The following MAP2 variants were observed in gnomAD, a reference collection of about 807,000 sequenced individuals.
The protein encoded by MAP2 is microtubule-associated protein 2.
In MAP2, 14 loss-of-function variants were observed where a neutral mutation model predicts 137.6. The ratio of observed to expected loss-of-function variants is 0.10; its 90% CI spans 0.07 to 0.16. The LOEUF (loss-of-function observed/expected upper bound fraction) is 0.16, where lower values mean the gene tolerates loss of function less well. Ranked by LOEUF, MAP2 falls within the 10% of genes least tolerant of loss-of-function variation. MAP2 has a pLI of 1.00. For missense variants in MAP2, 2,088 were observed against 2,191.5 expected (o/e 0.95, Z 0.94); for synonymous variants, 786 against 782.3 (o/e 1.00, Z -0.08).
chr2:209,659,171 T>C (rs2042268917), intron 5 of MAP2, among the ~76,000 whole-genome samples: 1 of 152,230 alleles, frequency 6.6e-6, no homozygotes, highest in East Asian at 1.9e-4. Context: ...TATGGATTTT[T>C]TTTTCTATAG....
intron 2 of MAP2, among the ~76,000 whole-genome samples, chr2:209,558,909 A>T (rs965154993): frequency 6.6e-6 from 1 of 151,968 alleles, no homozygotes; most frequent in African/African-American, 2.4e-5. Context: ...AACCAAATAG[A>T]TGATATTGGA....
intron 3 of MAP2, among the ~76,000 whole-genome samples, chr2:209,612,701 A>G (rs1220075753): frequency 6.6e-6 from 1 of 152,208 alleles, no homozygotes; most frequent in Non-Finnish European, 1.5e-5. Context: ...CTTTTAGGTG[A>G]TGCTATAGCT....
In MAP2 at chr2:209,653,189, G is replaced by C. The variant is rs201525773; in HGVS notation, c.19G>C (p.Asp7His). 2 of 1,600,486 alleles carry C rather than the reference G, an allele frequency of 1.2e-6. No homozygotes were observed. The highest frequency in any genetic ancestry group is 2.7e-5 in the African/African-American group (2 of 74,426). ...TTGAAGAATGGCAGATGAACGGAAA[G>C]ATGAAGCAAAGGCACCTCACTGGAC... is the stretch of plus-strand genomic sequence containing the variant. Reference protein sequence around the residue: MADERKDEAKAPHWTSA... With the variant: MADERKHEAKAPHWTSA... Residue 7 changes from aspartate to histidine, a missense_variant, in exon 5 of 16, where the codon GAT becomes CAT. Around this residue, in one of 6 missense-constraint regions of MAP2, gnomAD observed 859 missense variants for 794.5 expected, o/e 1.08. Transcript: ENST00000682079.
At chr2:209,707,243 G>A (rs533056313) in intron 12 of MAP2, among the ~76,000 whole-genome samples, 1 of 152,238 alleles carries the variant, frequency 6.6e-6, no homozygotes, top group African/African-American at 2.4e-5. Flanking sequence ...TTCATTAAAT[G>A]TTCAGCACCA....
At chr2:209,639,377 A>G (rs1293217405) in intron 4 of MAP2, among the ~76,000 whole-genome samples, 1 of 152,150 alleles carries the variant, frequency 6.6e-6, no homozygotes, top group African/African-American at 2.4e-5. Flanking sequence ...AGACTGTATT[A>G]ATTTGAGGAT....
At chr2:209,503,037 G>C (rs1471444630) in intron 1 of MAP2, among the ~76,000 whole-genome samples, 1 of 123,792 alleles carries the variant, frequency 8.1e-6, no homozygotes, top group Non-Finnish European at 1.6e-5. Context: ...GTCTCATTCT[G>C]TTGCCCAGGC....
chr2:209,468,191 T>C (rs1704630058), intron 1 of MAP2, among the ~76,000 whole-genome samples: 1 of 152,084 alleles, frequency 6.6e-6, no homozygotes, highest in Non-Finnish European at 1.5e-5. Flanking sequence ...CCATTCTCAA[T>C]AGAATTATTC....
At chr2:209,595,127 A>G (rs1453820201) in intron 3 of MAP2, among the ~76,000 whole-genome samples, 1 of 152,200 alleles carries the variant, frequency 6.6e-6, no homozygotes, top group African/African-American at 2.4e-5. Flanking sequence ...TCACAGAAAG[A>G]CAAAGTTGAA....
chr2:209,628,538 A>G lies in MAP2; in HGVS notation c.-30+3409A>G, dbSNP rs536568402. On this transcript the variant is annotated intron_variant, in intron 4 of 15. Coordinates refer to ENST00000682079, the MANE Select transcript of MAP2 (RefSeq NM_001375505.1). ...TCCACTGTCTCTCATGTTTACTACT[A>G]TCATAATCCCCTGTACTCAGTCTTG... Among the ~76,000 whole-genome samples, 4 of 152,176 alleles carry G rather than the reference A, an allele frequency of 2.6e-5. No individual in the cohort carries two copies. The South Asian group carries it at 8.3e-4, about 32-fold the overall frequency.
At chr2:209,560,626 A>G (rs557533051) in intron 2 of MAP2, among the ~76,000 whole-genome samples, 1 of 151,992 alleles carries the variant, frequency 6.6e-6, no homozygotes, top group Non-Finnish European at 1.5e-5. Flanking sequence ...GATTACAAAC[A>G]TGAGGCACTG....
intron 7 of MAP2, among the ~76,000 whole-genome samples, chr2:209,686,192 T>C (rs964467437): frequency 1.3e-5 from 2 of 152,194 alleles, no homozygotes; most frequent in African/African-American, 2.4e-5. Flanking sequence ...ACTAAGAATA[T>C]CAAACGTTAT....
intron 3 of MAP2, among the ~76,000 whole-genome samples, chr2:209,599,033 A>C (rs948481549): frequency 2.0e-5 from 3 of 152,076 alleles, no homozygotes; most frequent in Non-Finnish European, 4.4e-5. Flanking sequence ...ACTGACTTCC[A>C]CAATGGTTGA....
At chr2:209,640,020 A>C (rs867105131) in intron 4 of MAP2, among the ~76,000 whole-genome samples, 12 of 152,100 alleles carry the variant, frequency 7.9e-5, no homozygotes, top group South Asian at 2.1e-4. Flanking sequence ...CCCAAGTCTC[A>C]AAAACAAACA....
At position 209,710,044 on chromosome 2, in the gene MAP2, C is replaced by CTAT; in HGVS notation, c.4864_4866dup (p.Tyr1622dup). 1 of 1,614,054 alleles carries CTAT rather than the reference C, an allele frequency of 6.2e-7. No homozygotes were observed. Among genetic ancestry groups the CTAT allele is most frequent in the Non-Finnish European group, 8.5e-7 (1 of 1,179,998 alleles). On this transcript the variant is annotated inframe_insertion, in exon 13 of 16. Coordinates refer to ENST00000682079, the MANE Select transcript of MAP2 (RefSeq NM_001375505.1). ...CACCAGGCACTCCTGGAACCCCTAG[C>CTAT]TATCCCAGGACCCCTCACACACCAG...
chr2:209,439,246 C>T (rs1449025087), intron 1 of MAP2, among the ~76,000 whole-genome samples: 1 of 151,536 alleles, frequency 6.6e-6, no homozygotes, highest in Admixed American at 6.6e-5. Context: ...TCTGTTTTGT[C>T]ATTTATAAGA....
intron 3 of MAP2, 143 bp downstream of exon 3, chr2:209,580,243 A>G (rs886758232): frequency 5.3e-5 from 8 of 152,178 alleles, no homozygotes; most frequent in Admixed American, 1.3e-4. Context: ...ACCATTTTCT[A>G]TGCAGATACT....
intron 3 of MAP2, among the ~76,000 whole-genome samples, chr2:209,582,631 C>CA (rs2076693983): frequency 6.7e-6 from 1 of 150,260 alleles, no homozygotes; most frequent in African/African-American, 2.5e-5. Context: ...AGCAACAAAG[C>CA]ATTTAAGGAT....
intron 2 of MAP2, among the ~76,000 whole-genome samples, chr2:209,561,629 CT>C (rs770881155): frequency 9.9e-5 from 15 of 152,050 alleles, no homozygotes; most frequent in Non-Finnish European, 1.8e-4. Flanking sequence ...AATATTAGCT[CT>C]TATTTTTATT....
At chr2:209,622,785 G>A (rs2091512703) in intron 3 of MAP2, among the ~76,000 whole-genome samples, 1 of 151,904 alleles carries the variant, frequency 6.6e-6, no homozygotes, top group Non-Finnish European at 1.5e-5. Context: ...CTGAGAGTAT[G>A]TATCTCTTTC....
Sources: gnomAD v4.1 joint callset for allele counts (sites outside exome capture counted in the v4.1 genomes callset) on GRCh38, gnomAD v4.1.1 for gene constraint, gnomAD v4.1.1 regional missense constraint, MANE v1.5 for transcripts, NCBI Gene and HGNC (gene_info 2026-07-23, HGNC 2026-07-21) for gene names.